RARB: variants seen among roughly 807,000 people sequenced by gnomAD.
The protein encoded by RARB is retinoic acid receptor beta.
RARB carries 17 observed loss-of-function variants against 51.9 expected under a neutral mutation model. The observed-to-expected ratio is 0.33, with a 90% CI of 0.22 to 0.49. The LOEUF (loss-of-function observed/expected upper bound fraction) is 0.49. Among genes scored for constraint, RARB ranks in the 20% least tolerant of loss-of-function variants. The probability of loss-of-function intolerance (pLI) is 0.99; values close to 1 mark genes in which losing one functional copy is unlikely to be tolerated. For missense variants in RARB, 369 were observed against 550.8 expected (o/e 0.67, Z 3.30); for synonymous variants, 215 against 195.4 (o/e 1.10, Z -0.84).
chr3:25,292,535 T>G (rs1052320235), intron 5 of RARB, among the ~76,000 whole-genome samples: 1 of 152,196 alleles, frequency 6.6e-6, no homozygotes, highest in South Asian at 2.1e-4. Flanking sequence ...TAAAGTAGAT[T>G]ATAAGATGAA....
At chr3:25,363,003 G>A (rs1289189799) in intron 5 of RARB, among the ~76,000 whole-genome samples, 1 of 152,040 alleles carries the variant, frequency 6.6e-6, no homozygotes, top group Admixed American at 6.6e-5. Flanking sequence ...TCGATTTACA[G>A]GTCCTGGCAA....
intron 2 of RARB, among the ~76,000 whole-genome samples, chr3:24,983,243 C>T (rs1406304716): frequency 6.6e-6 from 1 of 151,960 alleles, no homozygotes; most frequent in African/African-American, 2.4e-5. Flanking sequence ...TGTACCTGAG[C>T]ACTTACATAC....
chr3:25,595,998 T>G (rs1258481139), intron 7 of RARB, among the ~76,000 whole-genome samples: 1 of 152,200 alleles, frequency 6.6e-6, no homozygotes, highest in Non-Finnish European at 1.5e-5. Context: ...AAAATAAGGA[T>G]AGCCTCTGGG....
chr3:25,202,646 C>G (rs969143392), intron 5 of RARB, among the ~76,000 whole-genome samples: 6 of 152,044 alleles, frequency 3.9e-5, no homozygotes, highest in Non-Finnish European at 7.4e-5. Context: ...CTTTGTTCTC[C>G]TTGGTTTCAA....
At chr3:25,128,283 C>T (rs978941800) in intron 3 of RARB, among the ~76,000 whole-genome samples, 2 of 151,900 alleles carry the variant, frequency 1.3e-5, no homozygotes, top group African/African-American at 2.4e-5. Context: ...TCTGAACCTT[C>T]CTAAACCTCC....
chr3:24,849,083 G>A (rs577846075), intron 1 of RARB, among the ~76,000 whole-genome samples: 1 of 152,222 alleles, frequency 6.6e-6, no homozygotes, highest in African/African-American at 2.4e-5. Context: ...CTGAAATGGA[G>A]AATAGTCCCA....
intron 2 of RARB, chr3:25,025,098 T>A (rs1157954536): frequency 6.6e-6 from 1 of 151,768 alleles, no homozygotes; most frequent in Non-Finnish European, 1.5e-5. Flanking sequence ...GGGAGAAAAA[T>A]TGGTTAGAGA....
At chr3:25,464,139 GT>G (rs1367842061) in intron 2 of RARB, among the ~76,000 whole-genome samples, 8 of 152,266 alleles carry the variant, frequency 5.3e-5, no homozygotes, top group African/African-American at 1.9e-4. Flanking sequence ...TCTGAAAAAT[GT>G]TAAGTCATCT....
intron 1 of RARB, among the ~76,000 whole-genome samples, chr3:24,831,561 A>G (rs770473097): frequency 6.6e-6 from 1 of 152,182 alleles, no homozygotes; most frequent in Non-Finnish European, 1.5e-5. Flanking sequence ...TCTGTTTACC[A>G]TCATTTGCAT....
chr3:25,300,016 C>T (rs561345304), intron 5 of RARB, among the ~76,000 whole-genome samples: 25 of 152,106 alleles, frequency 1.6e-4, no homozygotes, highest in Non-Finnish European at 2.8e-4. Flanking sequence ...TCATTTGATT[C>T]GATTTCAACA....
chr3:25,045,396 C>T (rs918067349), intron 2 of RARB, among the ~76,000 whole-genome samples: 3 of 152,104 alleles, frequency 2.0e-5, no homozygotes, highest in Admixed American at 6.5e-5. Flanking sequence ...AGAGAGAAAG[C>T]GAGGTAACTC....
At chr3:24,960,928 A>G (rs1202295645) in intron 2 of RARB, among the ~76,000 whole-genome samples, 3 of 152,212 alleles carry the variant, frequency 2.0e-5, no homozygotes. Context: ...GGAAAAGAAC[A>G]GGTTGTGAAA....
intron 3 of RARB, among the ~76,000 whole-genome samples, chr3:25,505,171 A>T (rs1697521679): frequency 6.6e-6 from 1 of 152,098 alleles, no homozygotes; most frequent in African/African-American, 2.4e-5. Context: ...AGGTCCCACC[A>T]TTTTTTTGGC....
In RARB at chr3:25,261,961, C is replaced by G. The variant is rs565394256; in HGVS notation, c.178+87386C>G. Among the ~76,000 whole-genome samples the G allele has an allele frequency of 2.0e-5, 3 of 152,262 alleles. No homozygotes were observed. The South Asian group carries it at 6.2e-4, about 32-fold the overall frequency. The stretch of plus-strand genomic sequence containing the variant: ...TTCTCTCATTCTGCCCTCTCCAAAC[C>G]CATCCTATATCCTCTAACATGCAAT... On this transcript the variant is annotated intron_variant, in intron 5 of 11. Transcript: ENST00000383772.
At chr3:25,282,188 A>G (rs943155420) in intron 5 of RARB, among the ~76,000 whole-genome samples, 1 of 152,164 alleles carries the variant, frequency 6.6e-6, no homozygotes, top group African/African-American at 2.4e-5. Flanking sequence ...CCTACTGACT[A>G]TATCTTCTAC....
chr3:24,999,751 T>C (rs996680213), intron 2 of RARB, among the ~76,000 whole-genome samples: 16 of 152,110 alleles, frequency 1.1e-4, no homozygotes, highest in Non-Finnish European at 2.1e-4. Flanking sequence ...CTCTAAGGGG[T>C]AGATTGCACT....
At chr3:25,086,229 C>T (rs888721396) in intron 3 of RARB, among the ~76,000 whole-genome samples, 4 of 152,166 alleles carry the variant, frequency 2.6e-5, no homozygotes, top group Non-Finnish European at 5.9e-5. Context: ...ATCCCTCATC[C>T]AGTTCCCACC....
intron 3 of RARB, among the ~76,000 whole-genome samples, chr3:25,096,393 G>C (rs192886211): frequency 6.6e-6 from 1 of 152,308 alleles, no homozygotes; most frequent in African/African-American, 2.4e-5. Context: ...ATTGTGGAGA[G>C]AGGGGAAGTT....
chr3:25,569,769 G>T lies in RARB; in HGVS notation c.460G>T (p.Asp154Tyr). The T allele has an allele frequency of 6.2e-7, 1 of 1,613,868 alleles. No individual in the cohort carries two copies. Among genetic ancestry groups the T allele is most frequent in the Non-Finnish European group, 8.5e-7 (1 of 1,179,916 alleles). Residue 154 changes from aspartate to tyrosine, a missense_variant, in exon 4 of 8, where the codon GAC (aspartate) becomes TAC (tyrosine). Asp to Tyr is a radical substitution (Grantham distance 160). This residue lies in a region of RARB where 9 missense variants were observed against 33.1 expected (regional missense o/e 0.27). Coordinates refer to ENST00000330688, the MANE Select transcript of RARB (RefSeq NM_000965.5). ...TCTCTCGTTTCCAGCTGTCAGGAAT[G>T]ACAGGAACAAGAAAAAGAAGGAGAC... ...VGMSKESVRNDRNKKKKETSK... is the reference protein window; with the variant it reads ...VGMSKESVRNYRNKKKKETSK...
Sources: gnomAD v4.1 joint callset for allele counts (sites outside exome capture counted in the v4.1 genomes callset) on GRCh38, gnomAD v4.1.1 for gene constraint, gnomAD v4.1.1 regional missense constraint, MANE v1.5 for transcripts, NCBI Gene and HGNC (gene_info 2026-07-23, HGNC 2026-07-21) for gene names.